BID: variants seen among roughly 807,000 people sequenced by gnomAD.
The protein encoded by BID is BH3 interacting domain death agonist.
Under a neutral mutation model 17.4 loss-of-function variants are expected in BID, and 19 were observed. The ratio of observed to expected loss-of-function variants is 1.09; its 90% CI spans 0.76 to 1.60. The LOEUF is 1.60. Ranked by LOEUF, BID falls within the 40% of genes most tolerant of loss-of-function variation. The probability of loss-of-function intolerance (pLI) is 0.00; values close to 1 mark genes in which losing one functional copy is unlikely to be tolerated. For missense variants in BID, 226 were observed against 256.0 expected (o/e 0.88, Z 0.80); for synonymous variants, 108 against 102.8 (o/e 1.05, Z -0.31).
At position 17,741,480 on chromosome 22, in the gene BID, C is replaced by CT. The variant is rs1218261473; in HGVS notation, c.224-1993dup. Among the ~76,000 whole-genome samples the CT allele has an allele frequency of 7.6e-3, 1,095 of 144,336 alleles. 12 individuals are homozygous for CT. The highest frequency in any genetic ancestry group is 0.025 in the African/African-American group (970 of 38,740). The allele number at this position is 144,336 out of a possible 152,430, so 94.7% of individuals were successfully genotyped here. A position where few individuals can be genotyped will look rare whatever the true frequency, so the allele number is the denominator to read the frequency against. On this transcript the variant is annotated intron_variant, in intron 3 of 5. Transcript: ENST00000622694. ...ACTACTCACTGTAGCTTTTTTTTTT[C>CT]TTTTTTTTTTCAAGACATAGTCTCA...
intron 2 of BID, 93 bp from the exon 3 acceptor site, chr22:17,744,106 T>C (rs1305669438): frequency 1.7e-6 from 2 of 1,186,760 alleles, no homozygotes; most frequent in Non-Finnish European, 2.4e-6. Context: ...CCAAAGAGCC[T>C]CACAGGTCCC....
At chr22:17,760,182 A>G (rs534739320) in intron 1 of BID, among the ~76,000 whole-genome samples, 1 of 147,886 alleles carries the variant, frequency 6.8e-6, no homozygotes, top group South Asian at 2.2e-4. Context: ...ACAATGACTC[A>G]TGCCTATACT....
intron 3 of BID, 198 bp from the exon 4 acceptor site, chr22:17,739,686 G>A (rs921520031): frequency 1.7e-5 from 12 of 693,228 alleles, no homozygotes; most frequent in Admixed American, 5.9e-5. Flanking sequence ...GGGCAGTGCC[G>A]GAGCTCAGGG....
At chr22:17,770,511 G>C (rs1317179410) in intron 1 of BID, among the ~76,000 whole-genome samples, 1 of 152,204 alleles carries the variant, frequency 6.6e-6, no homozygotes, top group Non-Finnish European at 1.5e-5. Flanking sequence ...CCCAGACAAG[G>C]GAAACTTCAC....
chr22:17,759,188 G>A (rs1383289447), intron 1 of BID, among the ~76,000 whole-genome samples: 24 of 141,186 alleles, frequency 1.7e-4, no homozygotes, highest in African/African-American at 5.6e-4. Flanking sequence ...CCGAGATCAC[G>A]CCACTACACT....
intron 1 of BID, among the ~76,000 whole-genome samples, chr22:17,764,454 A>C (rs1374975888): frequency 2.6e-5 from 4 of 152,254 alleles, no homozygotes; most frequent in Non-Finnish European, 2.9e-5. Context: ...AATAGTGTCC[A>C]AACTTTTCTC....
chr22:17,771,484 T>A (rs980786102), intron 1 of BID, among the ~76,000 whole-genome samples: 4 of 139,330 alleles, frequency 2.9e-5, no homozygotes, highest in Non-Finnish European at 6.1e-5. Flanking sequence ...CAATCACAGC[T>A]CACTATAGCC....
chr22:17,767,052 C>T, intron 1 of BID, among the ~76,000 whole-genome samples: 1 of 151,522 alleles, frequency 6.6e-6, no homozygotes, highest in East Asian at 2.0e-4. Flanking sequence ...GGTGAAACCC[C>T]ATCTCTACTA....
intron 3 of BID, chr22:17,739,783 A>G: frequency 1.7e-6 from 1 of 580,062 alleles, no homozygotes; most frequent in Non-Finnish European, 3.1e-6. Context: ...ACCACGCCTG[A>G]GGTACAAGCC....
At chr22:17,753,022 A>G (rs2061552494) in intron 1 of BID, among the ~76,000 whole-genome samples, 2 of 125,936 alleles carry the variant, frequency 1.6e-5, no homozygotes, top group African/African-American at 6.2e-5. Context: ...GCTGGAGTGC[A>G]GTGGCGCAAT....
At chr22:17,751,191 T>C (rs1601853657) in intron 1 of BID, among the ~76,000 whole-genome samples, 1 of 150,704 alleles carries the variant, frequency 6.6e-6, no homozygotes. Flanking sequence ...GCTAACAAGG[T>C]GAAACCCCGT....
At chr22:17,756,138 A>G (rs1288379089) in intron 1 of BID, among the ~76,000 whole-genome samples, 4 of 152,232 alleles carry the variant, frequency 2.6e-5, no homozygotes, top group Non-Finnish European at 5.9e-5. Flanking sequence ...AAGTGCTGGG[A>G]TTACAGGCGT....
chr22:17,767,394 T>C (rs1350438469), intron 1 of BID, among the ~76,000 whole-genome samples: 1 of 152,114 alleles, frequency 6.6e-6, no homozygotes, highest in Non-Finnish European at 1.5e-5. Flanking sequence ...CAAAAAAAGT[T>C]TTCCACATTC....
chr22:17,750,033 T>A (rs1414484687), intron 2 of BID, 72 bp downstream of exon 2: 2 of 1,443,814 alleles, frequency 1.4e-6, no homozygotes, highest in African/African-American at 2.8e-5. Context: ...GGATGCGTGG[T>A]GGGGGACACG....
At chr22:17,767,819 G>T (rs907907837) in intron 1 of BID, among the ~76,000 whole-genome samples, 10 of 152,042 alleles carry the variant, frequency 6.6e-5, no homozygotes, top group Non-Finnish European at 2.9e-5. Context: ...TTTGCCTCTG[G>T]TAGCCAAGAA....
intron 1 of BID, among the ~76,000 whole-genome samples, chr22:17,760,793 A>G (rs889084190): frequency 4.6e-5 from 7 of 152,102 alleles, no homozygotes; most frequent in Admixed American, 1.3e-4. Context: ...CCTTTCCCAC[A>G]TGGGGAACAT....
rs140074113 is a variant in BID, at chr22:17,746,209, G to A, written c.13-2196C>T. ...CACGAAGATGGAGAGAGCAGGCACC[G>A]GGCACTTTACAGTAGGGAGGCGGGG... On this transcript the variant is annotated intron_variant, in intron 2 of 5. Transcript: ENST00000622694. 3.3e-5 allele frequency among the ~76,000 whole-genome samples: 5 copies of A among 151,850 alleles called. No individual in the cohort carries two copies. In the South Asian group the frequency reaches 6.3e-4, roughly 19 times the overall value.
In BID at chr22:17,773,866, A is replaced by G. The variant is rs2061739481; in HGVS notation, c.-59+515T>C. Reference sequence around the variant, plus strand: ...TCTAAGGAGCGGGCGAGCCCCAGTAAGCGGCCGCTCTGACCGCGCTTTGTC... The same window carrying G: ...TCTAAGGAGCGGGCGAGCCCCAGTAGGCGGCCGCTCTGACCGCGCTTTGTC... On this transcript the variant is annotated intron_variant, in intron 1 of 5. Coordinates refer to ENST00000622694, the MANE Select transcript of BID (RefSeq NM_001196.4). The surrounding 1 kb of genome is among the most constrained non-coding windows in gnomAD (Gnocchi z 4.4). 4 of 667,144 alleles carry G rather than the reference A, an allele frequency of 6.0e-6. No individual in the cohort carries two copies. The highest frequency in any genetic ancestry group is 7.7e-6 in the Non-Finnish European group (3 of 391,452). The allele number at this position is 667,144 out of a possible 1,614,324, so 41.3% of individuals were successfully genotyped here.
chr22:17,760,381 G>T (rs2061628304), intron 1 of BID, among the ~76,000 whole-genome samples: 2 of 148,854 alleles, frequency 1.3e-5, no homozygotes, highest in South Asian at 4.3e-4. Flanking sequence ...GAACCCAGGA[G>T]GCGGGGGTTG....
Sources: gnomAD v4.1 joint callset for allele counts (sites outside exome capture counted in the v4.1 genomes callset) on GRCh38, gnomAD v4.1.1 for gene constraint, Gnocchi (gnomAD v3.1) non-coding constraint, MANE v1.5 for transcripts, NCBI Gene and HGNC (gene_info 2026-07-23, HGNC 2026-07-21) for gene names.